The following CACNA1C variants were observed in gnomAD, a reference collection of about 807,000 sequenced individuals.
The protein encoded by CACNA1C is voltage-dependent L-type calcium channel subunit alpha-1C.
Under a neutral mutation model 229.0 loss-of-function variants are expected in CACNA1C, and 30 were observed. The ratio of observed to expected loss-of-function variants is 0.13; its 90% CI spans 0.10 to 0.18. The LOEUF is 0.18. Among genes scored for constraint, CACNA1C ranks in the 10% least tolerant of loss-of-function variants. The pLI, the probability that CACNA1C is intolerant of heterozygous loss-of-function variation, is 1.00. For missense variants in CACNA1C, 1,658 were observed against 2,845.0 expected (o/e 0.58, Z 9.49); for synonymous variants, 1,114 against 1,132.5 (o/e 0.98, Z 0.33).
rs2096841663 is a variant in CACNA1C, at chr12:2,181,572, G to A, written c.477+61142G>A. On this transcript the variant is annotated intron_variant, in intron 3 of 46. Coordinates refer to ENST00000399655, the MANE Select transcript of CACNA1C (RefSeq NM_000719.7). This position sits in a 1 kb window ranked among gnomAD's most constrained non-coding sequence, Gnocchi z 4.0. ...AATCCAGGTGTTTTATTTTATTCTT[G>A]TTGCCATCAGAACTGCTACAAATAT... Among the ~76,000 whole-genome samples the A allele has an allele frequency of 6.6e-6, 1 of 152,120 alleles. No individual in the cohort carries two copies. The highest frequency in any genetic ancestry group is 2.1e-4 in the South Asian group (1 of 4,830).
At chr12:2,565,264 C>A (rs369785262) in intron 11 of CACNA1C, among the ~76,000 whole-genome samples, 11 of 151,272 alleles carry the variant, frequency 7.3e-5, no homozygotes, top group African/African-American at 2.4e-5. Context: ...GTCAGGAGAT[C>A]GAGACCATCC....
At chr12:1,997,254 T>G (rs1379967884) in intron 1 of CACNA1C, among the ~76,000 whole-genome samples, 2 of 152,170 alleles carry the variant, frequency 1.3e-5, no homozygotes, top group Non-Finnish European at 2.9e-5. Flanking sequence ...AACAGCCAGG[T>G]GCGGTGGCTC....
rs1180651884 is a variant in CACNA1C, at chr12:2,689,527, CCTTCCCAAA to C, written c.6117+749_6117+757del. ...CAGATTTCAGCTCACATGGGGAAGA[CCTTCCCAAA>C]TGAGCTCTTCCAAGATGAGAGGGGC... On this transcript the variant is annotated intron_variant, in intron 46 of 46. Transcript: ENST00000399655. This position sits in a 1 kb window ranked among gnomAD's most constrained non-coding sequence, Gnocchi z 4.2. 1.3e-5 allele frequency among the ~76,000 whole-genome samples: 2 copies of C among 152,060 alleles called. No individual in the cohort carries two copies. The highest frequency in any genetic ancestry group is 4.8e-5 in the African/African-American group (2 of 41,396).
intron 32 of CACNA1C, among the ~76,000 whole-genome samples, chr12:2,652,857 G>A (rs564998891): frequency 5.3e-5 from 8 of 151,400 alleles, no homozygotes; most frequent in Admixed American, 2.0e-4. Context: ...TTGGGTGCAC[G>A]CGGAACCCAC....
intron 9 of CACNA1C, among the ~76,000 whole-genome samples, chr12:2,519,503 C>T (rs1156864838): frequency 6.6e-6 from 1 of 152,166 alleles, no homozygotes; most frequent in Non-Finnish European, 1.5e-5. Flanking sequence ...TTCCAATAGC[C>T]CTCAGTCACT....
At position 2,053,843 on chromosome 12, in the gene CACNA1C, C is replaced by A. The variant is rs1594461822; in HGVS notation, c.49+232C>A. Among the ~76,000 whole-genome samples, 1 of 150,086 alleles carries A rather than the reference C, an allele frequency of 6.7e-6. No individual in the cohort carries two copies. The highest frequency in any genetic ancestry group is 2.0e-4 in the East Asian group (1 of 5,062). On this transcript the variant is annotated intron_variant, in intron 1 of 46. Coordinates refer to ENST00000399655, the MANE Select transcript of CACNA1C (RefSeq NM_000719.7). The surrounding 1 kb of genome is among the most constrained non-coding windows in gnomAD (Gnocchi z 5.8). ...CCGCCCCTCCCCCTCCGGGCCCCAG[C>A]TTCTCCAGAGCATGTGTTTCCTGTG...
At chr12:2,253,212 C>A (rs2076231087) in intron 3 of CACNA1C, among the ~76,000 whole-genome samples, 1 of 152,242 alleles carries the variant, frequency 6.6e-6, no homozygotes, top group Non-Finnish European at 1.5e-5. Flanking sequence ...GTGATGGTCT[C>A]ACCTTCTGGC....
chr12:2,342,727 T>C (rs1280866730), intron 3 of CACNA1C, among the ~76,000 whole-genome samples: 1 of 152,254 alleles, frequency 6.6e-6, no homozygotes, highest in Non-Finnish European at 1.5e-5. Context: ...ACATCAGTGC[T>C]GCAGTAGGAT....
At chr12:2,594,412 A>G (rs56247547) in intron 19 of CACNA1C, among the ~76,000 whole-genome samples, 5,232 of 152,278 alleles carry the variant, frequency 0.034, 311 homozygotes, top group African/African-American at 0.12. Context: ...TATTCTGGGA[A>G]ATTTCTTCAA....
chr12:2,577,353 T>C (rs2058792446), intron 13 of CACNA1C, among the ~76,000 whole-genome samples: 1 of 152,190 alleles, frequency 6.6e-6, no homozygotes, highest in African/African-American at 2.4e-5. Context: ...AATTTGAGAA[T>C]GTGAGTTCTT....
chr12:2,389,002 T>G (rs1413558850), intron 3 of CACNA1C, among the ~76,000 whole-genome samples: 4 of 152,196 alleles, frequency 2.6e-5, no homozygotes, highest in Admixed American at 1.3e-4. Flanking sequence ...GCAAGGGTCA[T>G]TCATTGTCTA....
chr12:2,390,282 A>G (rs1224774138), intron 3 of CACNA1C, among the ~76,000 whole-genome samples: 3 of 152,182 alleles, frequency 2.0e-5, no homozygotes, highest in Non-Finnish European at 4.4e-5. Context: ...CACCAGAACA[A>G]CAACCAGTGT....
intron 3 of CACNA1C, among the ~76,000 whole-genome samples, chr12:2,237,482 G>A (rs934385955): frequency 6.6e-6 from 1 of 152,208 alleles, no homozygotes; most frequent in Non-Finnish European, 1.5e-5. Flanking sequence ...CAGAAAGGAA[G>A]TAATGAACTA....
chr12:2,613,932 C>T (rs2079118896), intron 29 of CACNA1C: 1 of 152,262 alleles, frequency 6.6e-6, no homozygotes, highest in Non-Finnish European at 1.5e-5. Flanking sequence ...TATTTCAAAG[C>T]CTTGAGTCAT....
At chr12:2,328,251 T>C (rs1030437612) in intron 3 of CACNA1C, among the ~76,000 whole-genome samples, 2 of 152,220 alleles carry the variant, frequency 1.3e-5, no homozygotes, top group African/African-American at 2.4e-5. Context: ...TCTTAGTACC[T>C]GGGTAGCAGA....
intron 6 of CACNA1C, among the ~76,000 whole-genome samples, chr12:2,487,216 A>G (rs2099701236): frequency 6.6e-6 from 1 of 151,932 alleles, no homozygotes; most frequent in Admixed American, 6.6e-5. Context: ...AGCAAGATCC[A>G]TCATCTTAGT....
At position 2,651,088 on chromosome 12, in the gene CACNA1C, T is replaced by TG. The variant is rs1233416928; in HGVS notation, c.3946-548dup. ...GGAAAGTGCTGGAGTCCCAAGCAGC[T>TG]GGGGCATGAGGTCCTTCAGGGGGCA... is the stretch of plus-strand genomic sequence containing the variant. On this transcript the variant is annotated intron_variant, in intron 31 of 46. Transcript: ENST00000399655. This position sits in a 1 kb window ranked among gnomAD's most constrained non-coding sequence, Gnocchi z 5.4. 1 of 154,024 alleles carries TG rather than the reference T, an allele frequency of 6.5e-6. No homozygotes were observed. The highest frequency in any genetic ancestry group is 1.4e-5 in the Non-Finnish European group (1 of 69,384). 9.5% of individuals were successfully genotyped at this position (154,024 alleles called of 1,614,324 possible).
chr12:2,067,481 T>TGTGTGTGTGTGTGTGTGTGC lies in CACNA1C; in HGVS notation c.49+13871_49+13872insTGTGTGTGTGTGTGTGTGCG, dbSNP rs3085990. 1.6e-4 allele frequency among the ~76,000 whole-genome samples: 22 copies of TGTGTGTGTGTGTGTGTGTGC among 140,892 alleles called. No individual in the cohort carries two copies. The highest frequency in any genetic ancestry group is 4.2e-4 in the East Asian group (2 of 4,712). 92.4% of individuals were successfully genotyped at this position (140,892 alleles called of 152,430 possible). On this transcript the variant is annotated intron_variant, in intron 1 of 46. Coordinates refer to ENST00000399655, the MANE Select transcript of CACNA1C (RefSeq NM_000719.7). The surrounding 1 kb of genome is among the most constrained non-coding windows in gnomAD (Gnocchi z 5.3). The stretch of plus-strand genomic sequence containing the variant: ...GTGTGTGTGTGTGTGTGTGTGTGTG[T>TGTGTGTGTGTGTGTGTGTGC]GCGCGCGTGTGCGTGCCTGTATGTA...
intron 29 of CACNA1C, among the ~76,000 whole-genome samples, chr12:2,623,943 G>A (rs746606335): frequency 3.9e-5 from 6 of 152,254 alleles, no homozygotes; most frequent in African/African-American, 4.8e-5. Flanking sequence ...GCCGCCATCC[G>A]TGCCGTGCTC....
Sources: allele counts gnomAD v4.1 joint callset (sites outside exome capture counted in the v4.1 genomes callset), GRCh38; gene constraint gnomAD v4.1.1; non-coding constraint Gnocchi (gnomAD v3.1); transcripts MANE v1.5; gene names NCBI Gene and HGNC (gene_info 2026-07-23, HGNC 2026-07-21).